PCED1B: variants seen among roughly 807,000 people sequenced by gnomAD.
PCED1B encodes PC-esterase domain containing 1B.
For missense variants in PCED1B, 573 were observed against 573.9 expected, an observed-to-expected ratio of 1.00 and a Z score of 0.02; for synonymous variants, 251 against 246.1, an observed-to-expected ratio of 1.02 and a Z score of -0.19.
intron 2 of PCED1B, among the ~76,000 whole-genome samples, chr12:47,144,869 T>C (rs570611866): frequency 3.4e-4 from 51 of 152,134 alleles, no homozygotes; most frequent in Non-Finnish European, 6.8e-4. Flanking sequence ...CATAACAATA[T>C]TGAAATTAGG....
Position 47,171,923 on chromosome 12 carries a change from C to T in PCED1B, c.-525-44299C>T, listed in dbSNP as rs146209413. ...TCTTCTTCCTCTTCTTCTTCTTCCT[C>T]TTCTATATGTATATGTATGTGTCTA... On this transcript the variant is annotated intron_variant, in intron 2 of 3. Transcript: ENST00000546455. Among the ~76,000 whole-genome samples, 17 of 150,306 alleles carry T rather than the reference C, an allele frequency of 1.1e-4. No individual in the cohort carries two copies. The East Asian group carries it at 3.3e-3, about 29-fold the overall frequency.
intron 2 of PCED1B, among the ~76,000 whole-genome samples, chr12:47,160,608 C>T (rs1296474317): frequency 6.6e-6 from 1 of 152,170 alleles, no homozygotes; most frequent in South Asian, 2.1e-4. Flanking sequence ...AGCCACAATA[C>T]CCAGCCAGCA....
intron 2 of PCED1B, among the ~76,000 whole-genome samples, chr12:47,163,337 A>G (rs1282558294): frequency 2.6e-5 from 4 of 152,196 alleles, no homozygotes; most frequent in Non-Finnish European, 5.9e-5. Flanking sequence ...TTCAACATAT[A>G]AGATTATATC....
chr12:47,086,360 TAAAAAAAAAAAAA>T lies in PCED1B; in HGVS notation c.-609+6646_-609+6658del, dbSNP rs3045485. 5.0e-4 allele frequency among the ~76,000 whole-genome samples: 48 copies of T among 95,512 alleles called. 1 individual carries two copies. The East Asian group carries it at 0.012, about 23-fold the overall frequency. 62.7% of individuals were successfully genotyped at this position (95,512 alleles called of 152,430 possible). ...AAAGTACTGTACTATGTGCTTATGG[TAAAAAAAAAAAAA>T]AAAAAAAAAAGGAAGTTACAGGAAA... On this transcript the variant is annotated intron_variant, in intron 1 of 3. Coordinates refer to ENST00000546455, the MANE Select transcript of PCED1B (RefSeq NM_138371.3).
intron 2 of PCED1B, among the ~76,000 whole-genome samples, chr12:47,109,502 G>T (rs960664959): frequency 3.9e-5 from 6 of 152,056 alleles, no homozygotes; most frequent in African/African-American, 1.5e-4. Flanking sequence ...GTGATGATGA[G>T]GAGATTTGAC....
chr12:47,202,621 A>G (rs4768787), intron 2 of PCED1B, among the ~76,000 whole-genome samples: 1 of 144,816 alleles, frequency 6.9e-6, no homozygotes, highest in Non-Finnish European at 1.5e-5. Flanking sequence ...AAAAAAAAAG[A>G]AAAAAGAAAA....
At chr12:47,126,696 G>A (rs1016506788) in intron 2 of PCED1B, among the ~76,000 whole-genome samples, 5 of 152,018 alleles carry the variant, frequency 3.3e-5, no homozygotes, top group African/African-American at 4.8e-5. Context: ...AATTATTTAG[G>A]TTGTTTATTT....
At chr12:47,086,893 G>A (rs1938014473) in intron 1 of PCED1B, among the ~76,000 whole-genome samples, 1 of 152,178 alleles carries the variant, frequency 6.6e-6, no homozygotes, top group African/African-American at 2.4e-5. Flanking sequence ...TCCTGTAGCA[G>A]TAACTAATTT....
intron 2 of PCED1B, among the ~76,000 whole-genome samples, chr12:47,179,537 ATATTTCT>A (rs1364717232): frequency 6.6e-6 from 1 of 152,214 alleles, no homozygotes; most frequent in East Asian, 1.9e-4. Context: ...TTTTGTCAGC[ATATTTCT>A]AAATACTTTA....
Position 47,235,107 on chromosome 12 carries a change from ATAAGTTCG to A in PCED1B, c.46_53del (p.Lys16GlyfsTer9). On this transcript the variant is annotated frameshift_variant, in exon 4 of 4. Transcript: ENST00000546455. LOFTEE classifies it low-confidence loss of function (END_TRUNC). ...TCCGAAGTGCGGCAGCTGCTTCACA[ATAAGTTCG>A]TGGTCATCCTGGGGGACTCTGTGCA... 1 of 1,530,286 alleles carries A rather than the reference ATAAGTTCG, an allele frequency of 6.5e-7. No individual in the cohort carries two copies. The highest frequency in any genetic ancestry group is 8.8e-7 in the Non-Finnish European group (1 of 1,140,376). 94.8% of individuals were successfully genotyped at this position (1,530,286 alleles called of 1,614,324 possible). A position where few individuals can be genotyped will look rare whatever the true frequency, so the allele number is the denominator to read the frequency against.
intron 2 of PCED1B, among the ~76,000 whole-genome samples, chr12:47,155,504 G>A (rs1305410950): frequency 6.6e-6 from 1 of 152,238 alleles, no homozygotes; most frequent in Admixed American, 6.5e-5. Context: ...ATCTGAGTCT[G>A]TGACCCTGAA....
intron 1 of PCED1B, among the ~76,000 whole-genome samples, chr12:47,098,522 G>A (rs776924778): frequency 6.6e-5 from 10 of 152,164 alleles, no homozygotes; most frequent in Non-Finnish European, 1.0e-4. Context: ...GGAGTCTGTC[G>A]CCCAGGCTGG....
At chr12:47,230,110 G>T in intron 3 of PCED1B, among the ~76,000 whole-genome samples, 1 of 134,418 alleles carries the variant, frequency 7.4e-6, no homozygotes, top group Non-Finnish European at 1.6e-5. Context: ...TTTTGAGACG[G>T]AGTCTCACTC....
chr12:47,167,415 A>G (rs868006299), intron 2 of PCED1B, among the ~76,000 whole-genome samples: 1 of 152,114 alleles, frequency 6.6e-6, no homozygotes, highest in Non-Finnish European at 1.5e-5. Context: ...TGTCTCTCCA[A>G]CAGTCTTTCC....
chr12:47,080,358 A>G (rs935702681), intron 1 of PCED1B, among the ~76,000 whole-genome samples: 3 of 152,136 alleles, frequency 2.0e-5, no homozygotes, highest in African/African-American at 4.8e-5. Flanking sequence ...CACCCAGGCC[A>G]AGGAATCCCC....
intron 2 of PCED1B, among the ~76,000 whole-genome samples, chr12:47,160,880 T>A (rs1941356710): frequency 6.6e-6 from 1 of 152,214 alleles, no homozygotes; most frequent in Non-Finnish European, 1.5e-5. Context: ...TTCGGTTCTG[T>A]TCTTGCAGTA....
intron 1 of PCED1B, among the ~76,000 whole-genome samples, chr12:47,089,392 A>C (rs1938142097): frequency 6.8e-6 from 1 of 146,348 alleles, no homozygotes; most frequent in African/African-American, 2.5e-5. Flanking sequence ...GCTTGCAGTG[A>C]GCTGAGATCA....
chr12:47,097,500 G>A (rs1244258554), intron 1 of PCED1B, among the ~76,000 whole-genome samples: 1 of 152,158 alleles, frequency 6.6e-6, no homozygotes, highest in African/African-American at 2.4e-5. Context: ...CTTAGTTTTT[G>A]TTTGCAGGCA....
At chr12:47,175,809 T>C (rs1023260663) in intron 2 of PCED1B, among the ~76,000 whole-genome samples, 27 of 151,934 alleles carry the variant, frequency 1.8e-4, no homozygotes, top group African/African-American at 6.5e-4. Flanking sequence ...TGACCTCAGG[T>C]GATCTGCCTG....
Sources: gnomAD v4.1 joint callset for allele counts (sites outside exome capture counted in the v4.1 genomes callset) on GRCh38, gnomAD v4.1.1 for gene constraint, MANE v1.5 for transcripts, NCBI Gene and HGNC (gene_info 2026-07-23, HGNC 2026-07-21) for gene names.